MAP3K13: variants seen among roughly 807,000 people sequenced by gnomAD.
The protein encoded by MAP3K13 is leucine zipper-bearing kinase.
MAP3K13 carries 52 observed loss-of-function variants against 104.0 expected under a neutral mutation model. That is an observed-to-expected ratio of 0.50 (90% CI 0.40 to 0.63). The LOEUF is 0.63. Among genes scored for constraint, MAP3K13 ranks in the 20% least tolerant of loss-of-function variants. The pLI is 0.00. For synonymous variants in MAP3K13, 394 were observed against 442.2 expected, an observed-to-expected ratio of 0.89 and a Z score of 1.37; for missense variants, 914 against 1,218.5, an observed-to-expected ratio of 0.75 and a Z score of 3.72.
At chr3:185,342,575 T>C (rs1050563044) in intron 2 of MAP3K13, among the ~76,000 whole-genome samples, 6 of 152,236 alleles carry the variant, frequency 3.9e-5, no homozygotes, top group Non-Finnish European at 2.9e-5. Flanking sequence ...AAATCATGCT[T>C]GAGTCACCAG....
chr3:185,488,196 T>A lies in MAP3K13; in HGVS notation c.*5740T>A, dbSNP rs1203317475. 6.6e-6 allele frequency: 1 copy of A among 152,240 alleles called. No individual in the cohort carries two copies. The highest frequency in any genetic ancestry group is 2.4e-5 in the African/African-American group (1 of 41,456). 9.4% of individuals were successfully genotyped at this position (152,240 alleles called of 1,614,324 possible). A position where few individuals can be genotyped will look rare whatever the true frequency, so the allele number is the denominator to read the frequency against. On this transcript the variant is annotated 3_prime_UTR_variant, in exon 14 of 14. Coordinates refer to ENST00000265026, the MANE Select transcript of MAP3K13 (RefSeq NM_004721.5). ...ACTCATGTACCAAAACAATGTGACA[T>A]TCTTTTCGAGACTTTGACTTGTACG...
intron 2 of MAP3K13, among the ~76,000 whole-genome samples, chr3:185,323,262 C>T (rs1721925740): frequency 6.6e-6 from 1 of 151,940 alleles, no homozygotes; most frequent in African/African-American, 2.4e-5. Flanking sequence ...TTGGTTTTCA[C>T]CAGTTTTTCC....
chr3:185,448,280 T>A (rs1715701015), intron 5 of MAP3K13, among the ~76,000 whole-genome samples: 3 of 152,236 alleles, frequency 2.0e-5, no homozygotes. Context: ...TCTCACCTTC[T>A]TGAGTAAAGT....
rs573272879 is a variant in MAP3K13 at position 185,315,289 on chromosome 3, A to G, written c.-86+29646A>G. Among the ~76,000 whole-genome samples, 4 of 152,284 alleles carry G rather than the reference A, an allele frequency of 2.6e-5. No homozygotes were observed. In the South Asian group the frequency reaches 8.3e-4, roughly 32 times the overall value. On this transcript the variant is annotated intron_variant, in intron 2 of 14. Transcript: ENST00000424227. This position sits in a 1 kb window ranked among gnomAD's most constrained non-coding sequence, Gnocchi z 4.3. ...AAACTATAAATATATTACACATAGA[A>G]CAATGGTCCTCAAACTTTAGTATGC...
intron 2 of MAP3K13, among the ~76,000 whole-genome samples, chr3:185,341,779 G>A (rs1722731668): frequency 6.6e-6 from 1 of 152,116 alleles, no homozygotes; most frequent in African/African-American, 2.4e-5. Flanking sequence ...CAGGCTGACT[G>A]CCTATTTTAT....
intron 1 of MAP3K13, chr3:185,417,599 T>C (rs1273630695): frequency 6.5e-5 from 70 of 1,080,212 alleles, no homozygotes; most frequent in Non-Finnish European, 7.8e-5. Context: ...ACCAGAGGCT[T>C]CTTCTGCTTC....
At chr3:185,400,789 G>T (rs1187348746) in intron 1 of MAP3K13, among the ~76,000 whole-genome samples, 1 of 148,448 alleles carries the variant, frequency 6.7e-6, no homozygotes, top group Non-Finnish European at 1.5e-5. Context: ...GATCTCAAGT[G>T]CTTATAAGGC....
intron 2 of MAP3K13, among the ~76,000 whole-genome samples, chr3:185,324,790 A>C (rs1476603155): frequency 7.3e-6 from 1 of 136,362 alleles, no homozygotes. Context: ...AATGATAATC[A>C]CTAAGAACCG....
intron 2 of MAP3K13, among the ~76,000 whole-genome samples, chr3:185,341,535 A>T (rs943879495): frequency 1.3e-5 from 2 of 152,220 alleles, no homozygotes; most frequent in African/African-American, 4.8e-5. Context: ...CGGGAAACTA[A>T]TGCAACGTTT....
At position 185,443,098 on chromosome 3, in the gene MAP3K13, C is replaced by A. The variant is rs140043048; in HGVS notation, c.660-347C>A. On this transcript the variant is annotated intron_variant, in intron 3 of 13. Transcript: ENST00000265026. ...CTGTGATCCACCCGCCTTGGCCTCC[C>A]AAATTATTCTTAATGATCTAAAACA... is the stretch of plus-strand genomic sequence containing the variant. Among the ~76,000 whole-genome samples, 129 of 152,286 alleles carry A rather than the reference C, an allele frequency of 8.5e-4. No homozygotes were observed. The East Asian group carries it at 0.02, about 23-fold the overall frequency.
intron 12 of MAP3K13, 80 bp downstream of exon 12, chr3:185,477,476 C>G: frequency 4.9e-6 from 5 of 1,014,212 alleles, no homozygotes; most frequent in Non-Finnish European, 7.8e-6. Context: ...TGCTCTTCAA[C>G]CACAGGTGAT....
At chr3:185,369,253 C>A (rs2108748501) in intron 1 of MAP3K13, among the ~76,000 whole-genome samples, 1 of 152,176 alleles carries the variant, frequency 6.6e-6, no homozygotes, top group South Asian at 2.1e-4. Context: ...TAAAATGGGA[C>A]TTTTGCATTG....
intron 2 of MAP3K13, among the ~76,000 whole-genome samples, chr3:185,357,345 G>C (rs1723403564): frequency 6.6e-6 from 1 of 150,872 alleles, no homozygotes; most frequent in Admixed American, 6.6e-5. Flanking sequence ...CTACTCAGGA[G>C]GCTGAGGCAG....
In MAP3K13 at chr3:185,428,935, T is replaced by A; in HGVS notation, c.354T>A (p.Ile118=). The A allele has an allele frequency of 6.2e-7, 1 of 1,614,080 alleles. No homozygotes were observed. The highest frequency in any genetic ancestry group is 1.1e-5 in the South Asian group (1 of 91,072). ...CAAGCGGAACTGAAGACATAAAGAT[T>A]CAGTTCAGCAGGTCAGGCAGTGGCA... is the stretch of plus-strand genomic sequence containing the variant. The part of the protein sequence containing the change: ...ESTSGTEDIK[I]QFSRSGSGSG... Residue 118 remains isoleucine (I), a synonymous_variant, in exon 2 of 14, where the codon ATT becomes ATA. Transcript: ENST00000265026.
intron 2 of MAP3K13, among the ~76,000 whole-genome samples, chr3:185,432,966 G>A (rs1357634727): frequency 6.6e-6 from 1 of 152,172 alleles, no homozygotes; most frequent in Non-Finnish European, 1.5e-5. Context: ...TCAGGTCTGG[G>A]ATCAGGGAGC....
At chr3:185,309,507 T>C (rs1721421368) in intron 2 of MAP3K13, among the ~76,000 whole-genome samples, 4 of 80,294 alleles carry the variant, frequency 5.0e-5, no homozygotes. Context: ...CGAGACCTTG[T>C]CTCACAAAAA....
At chr3:185,353,141 C>A (rs958284160) in intron 2 of MAP3K13, among the ~76,000 whole-genome samples, 1 of 152,126 alleles carries the variant, frequency 6.6e-6, no homozygotes, top group African/African-American at 2.4e-5. Context: ...GAGTCCTTCC[C>A]CCTCTGTCCC....
chr3:185,447,003 G>A (rs552867618), intron 4 of MAP3K13, among the ~76,000 whole-genome samples: 1 of 152,278 alleles, frequency 6.6e-6, no homozygotes, highest in East Asian at 1.9e-4. Context: ...AGCGAGGTCT[G>A]GAGCAGCATC....
intron 1 of MAP3K13, among the ~76,000 whole-genome samples, chr3:185,363,880 T>C (rs1186444523): frequency 6.6e-6 from 1 of 152,244 alleles, no homozygotes; most frequent in Non-Finnish European, 1.5e-5. Flanking sequence ...AGATGAATAC[T>C]TGTTCAACCA....
Sources: gnomAD v4.1 joint callset for allele counts (sites outside exome capture counted in the v4.1 genomes callset) on GRCh38, gnomAD v4.1.1 for gene constraint, Gnocchi (gnomAD v3.1) non-coding constraint, MANE v1.5 for transcripts, NCBI Gene and HGNC (gene_info 2026-07-23, HGNC 2026-07-21) for gene names.